WASHC3: variants seen among roughly 807,000 people sequenced by gnomAD.
WASHC3 encodes the protein WASH complex subunit 3, also known as WASH complex subunit CCDC53.
Under a neutral mutation model 26.1 loss-of-function variants are expected in WASHC3, and 24 were observed. The observed-to-expected ratio is 0.92, with a 90% CI of 0.66 to 1.29. The LOEUF (loss-of-function observed/expected upper bound fraction) is 1.29. WASHC3 is among the 50% of genes most tolerant of loss of function. WASHC3 has a pLI of 0.00. For synonymous variants in WASHC3, 77 were observed against 75.7 expected (o/e 1.02, Z -0.09); for missense variants, 214 against 229.6 (o/e 0.93, Z 0.44).
At chr12:102,059,373 G>A (rs1011046455) in intron 2 of WASHC3, among the ~76,000 whole-genome samples, 1 of 152,150 alleles carries the variant, frequency 6.6e-6, no homozygotes, top group Admixed American at 6.5e-5. Flanking sequence ...AAAGGCAATA[G>A]ACTACCTTTA....
At chr12:102,052,956 G>A (rs1878452014) in intron 2 of WASHC3, among the ~76,000 whole-genome samples, 1 of 151,960 alleles carries the variant, frequency 6.6e-6, no homozygotes, top group African/African-American at 2.4e-5. Context: ...CACCAAGCTG[G>A]CCCCAGACAA....
At chr12:102,021,976 T>A (rs1318076202) in intron 6 of WASHC3, among the ~76,000 whole-genome samples, 1 of 152,212 alleles carries the variant, frequency 6.6e-6, no homozygotes, top group African/African-American at 2.4e-5. Context: ...GAGGATGGTA[T>A]AAATGTCTTT....
chr12:102,035,873 A>C (rs1877634288), intron 5 of WASHC3, among the ~76,000 whole-genome samples: 1 of 152,234 alleles, frequency 6.6e-6, no homozygotes, highest in African/African-American at 2.4e-5. Flanking sequence ...GGTCAACAAA[A>C]GGAGCTATTA....
chr12:102,055,722 T>C (rs1878568676), intron 2 of WASHC3, among the ~76,000 whole-genome samples: 1 of 152,214 alleles, frequency 6.6e-6, no homozygotes, highest in South Asian at 2.1e-4. Flanking sequence ...TTTGCTTTCT[T>C]TGTTTCTTTC....
At chr12:102,044,356 T>C (rs567361113) in intron 3 of WASHC3, 144 bp from the exon 4 acceptor site, 2 of 381,590 alleles carry the variant, frequency 5.2e-6, no homozygotes, top group African/African-American at 4.2e-5. Context: ...AAACTAAAAG[T>C]GAAAGACGGT....
At chr12:102,033,483 A>G (rs1362984960) in intron 5 of WASHC3, among the ~76,000 whole-genome samples, 1 of 152,162 alleles carries the variant, frequency 6.6e-6, no homozygotes, top group Non-Finnish European at 1.5e-5. Flanking sequence ...TTGGAAAAAG[A>G]AACTCAGTAT....
Position 102,061,989 on chromosome 12 carries a change from T to G in WASHC3, c.-27A>C. ...TCCTCAGCGGGCGGTGGACCCCGAG[T>G]TCACCCACAAACCCCTCCCAGATGG... is the stretch of plus-strand genomic sequence containing the variant. On this transcript the variant is annotated 5_prime_UTR_variant, in exon 1 of 7. Transcript: ENST00000240079. 4.4e-6 allele frequency: 7 copies of G among 1,581,378 alleles called. No individual in the cohort carries two copies. Among genetic ancestry groups the G allele is most frequent in the Non-Finnish European group, 6.0e-6 (7 of 1,161,704 alleles).
chr12:102,036,976 A>T (rs971941746), intron 5 of WASHC3, among the ~76,000 whole-genome samples: 1 of 152,218 alleles, frequency 6.6e-6, no homozygotes, highest in African/African-American at 2.4e-5. Flanking sequence ...TTTAAATTTA[A>T]AAAATGTAAA....
intron 4 of WASHC3, among the ~76,000 whole-genome samples, chr12:102,043,291 G>A (rs931914762): frequency 2.0e-5 from 3 of 151,962 alleles, no homozygotes; most frequent in Non-Finnish European, 4.4e-5. Flanking sequence ...TATTTTTGAG[G>A]CAGGGACTTG....
intron 5 of WASHC3, among the ~76,000 whole-genome samples, chr12:102,037,214 A>G (rs1255896641): frequency 1.3e-5 from 2 of 152,228 alleles, no homozygotes; most frequent in African/African-American, 4.8e-5. Context: ...ACAAATTATA[A>G]GCATTTTCAT....
intron 6 of WASHC3, among the ~76,000 whole-genome samples, chr12:102,022,255 G>A (rs143215327): frequency 6.6e-6 from 1 of 152,100 alleles, no homozygotes; most frequent in Non-Finnish European, 1.5e-5. Flanking sequence ...TCTTTGTTGA[G>A]AACATAATAG....
At chr12:102,040,100 C>T in intron 4 of WASHC3, 122 bp from the exon 5 acceptor site, 1 of 431,072 alleles carries the variant, frequency 2.3e-6, no homozygotes, top group Middle Eastern at 3.9e-4. Flanking sequence ...AATCATCTCC[C>T]CCAATTTAAA....
rs142174484 is a variant in WASHC3, at chr12:102,050,356, C to A, written c.151-4237G>T. ...CATTCTGGCCAGGTACAGTGGCTCA[C>A]GCCTATAATTCCAGCACTTGGGAGG... On this transcript the variant is annotated intron_variant, in intron 2 of 6. Coordinates refer to ENST00000240079, the MANE Select transcript of WASHC3 (RefSeq NM_016053.4). 1.6e-3 allele frequency: 708 copies of A among 436,144 alleles called. 3 individuals are homozygous for A. Among genetic ancestry groups the A allele is most frequent in the African/African-American group, 0.013 (622 of 49,624 alleles). 27.0% of individuals were successfully genotyped at this position (436,144 alleles called of 1,614,324 possible).
chr12:102,061,935 C>T lies in WASHC3; in HGVS notation c.28G>A (p.Gly10Arg). MDEDGLPLMGSGIDLTKVPA... is the reference protein window; with the variant it reads MDEDGLPLMRSGIDLTKVPA... ...ACCTTGGTCAGGTCTATGCCTGACC[C>T]CATGAGAGGAAGCCCGTCCTCATCC... The change falls in exon 1 of 7, where the codon GGG (glycine) becomes AGG (arginine). Residue 10 changes from glycine (G) to arginine (R), a missense_variant. Gly to Arg is a moderately radical substitution (Grantham distance 125). Transcript: ENST00000240079. 6.2e-7 allele frequency: 1 copy of T among 1,601,624 alleles called. No individual in the cohort carries two copies. Among genetic ancestry groups the T allele is most frequent in the Non-Finnish European group, 8.5e-7 (1 of 1,173,602 alleles).
intron 2 of WASHC3, 68 bp from the exon 3 acceptor site, chr12:102,046,187 G>C: frequency 1.2e-6 from 1 of 838,440 alleles, no homozygotes; most frequent in Non-Finnish European, 1.9e-6. Flanking sequence ...ACTAAGGGCA[G>C]ATATGAAAAT....
intron 2 of WASHC3, among the ~76,000 whole-genome samples, chr12:102,051,315 T>C (rs936422583): frequency 6.6e-6 from 1 of 152,240 alleles, no homozygotes; most frequent in Non-Finnish European, 1.5e-5. Flanking sequence ...AGTTGGTTCT[T>C]GTTTGAGGCT....
intron 6 of WASHC3, among the ~76,000 whole-genome samples, chr12:102,018,866 G>A (rs1876829662): frequency 6.6e-6 from 1 of 151,964 alleles, no homozygotes; most frequent in Non-Finnish European, 1.5e-5. Flanking sequence ...GCACCATCTT[G>A]GCTCACTCCA....
chr12:102,048,467 A>C (rs982232897), intron 2 of WASHC3: 2 of 152,222 alleles, frequency 1.3e-5, no homozygotes, highest in Non-Finnish European at 2.9e-5. Flanking sequence ...CAGGAGGCTG[A>C]GGCAGGAGAA....
chr12:102,027,770 T>G (rs1462751666), intron 5 of WASHC3, among the ~76,000 whole-genome samples: 2 of 152,116 alleles, frequency 1.3e-5, no homozygotes, highest in Non-Finnish European at 2.9e-5. Context: ...AAGACTCTCA[T>G]GAGAGGTAGC....
Sources: allele counts gnomAD v4.1 joint callset (sites outside exome capture counted in the v4.1 genomes callset), GRCh38; gene constraint gnomAD v4.1.1; transcripts MANE v1.5; gene names NCBI Gene and HGNC (gene_info 2026-07-23, HGNC 2026-07-21).